Variants in UBE2C observed in about 807,000 individuals in gnomAD.
The protein encoded by UBE2C is ubiquitin conjugating enzyme E2 C, also known as ubiquitin-conjugating enzyme E2 C.
In UBE2C, 16 loss-of-function variants were observed where a neutral mutation model predicts 23.5. The observed-to-expected ratio is 0.68, with a 90% CI of 0.46 to 1.03. The LOEUF (loss-of-function observed/expected upper bound fraction) is 1.03. UBE2C is among the 50% of genes least tolerant of loss of function. The probability of loss-of-function intolerance (pLI) is 0.00; values close to 1 mark genes in which losing one functional copy is unlikely to be tolerated. For missense variants in UBE2C, 192 were observed against 227.6 expected, an observed-to-expected ratio of 0.84 and a Z score of 1.01; for synonymous variants, 76 against 91.6, an observed-to-expected ratio of 0.83 and a Z score of 0.97.
At chr20:45,813,048 G>A in intron 1 of UBE2C, 1 of 1,416,212 alleles carries the variant, frequency 7.1e-7, no homozygotes, top group Non-Finnish European at 9.2e-7. Context: ...AGCTCAGACC[G>A]CTCTTTGAGA....
At chr20:45,812,839 A>AG in intron 1 of UBE2C, 43 bp downstream of exon 1, 1 of 1,530,130 alleles carries the variant, frequency 6.5e-7, no homozygotes, top group Non-Finnish European at 8.8e-7. Flanking sequence ...GCCATGCCCT[A>AG]GGCATTGGTA....
chr20:45,813,519 C>CT, intron 2 of UBE2C, 55 bp downstream of exon 2: 2 of 1,612,896 alleles, frequency 1.2e-6, no homozygotes, highest in East Asian at 4.5e-5. Context: ...CAGTAGCCTC[C>CT]TTTTTTCCGT....
chr20:45,816,028 C>A, intron 5 of UBE2C, 115 bp downstream of exon 5: 1 of 1,038,684 alleles, frequency 9.6e-7, no homozygotes, highest in South Asian at 1.5e-5. Context: ...GGTGGAGTGT[C>A]GGCAGCAACC....
chr20:45,815,709 AG>A lies in UBE2C; in HGVS notation c.387del (p.Thr130ProfsTer10). On this transcript the variant is annotated frameshift_variant, in exon 4 of 6. Transcript: ENST00000356455. LOFTEE classifies it high-confidence loss of function. ...AAAGTGGTCTGCCCTGTATGATGTC[AG>A]GACCATTCTGCTCTCCATCCAGAGC... ...KEKWSALYDVRTILLSIQSLL... is the reference protein window; with the variant it reads ...KEKWSALYDVXTILLSIQSLL... 1.2e-6 allele frequency: 2 copies of A among 1,614,094 alleles called. No homozygotes were observed. The highest frequency in any genetic ancestry group is 1.7e-6 in the Non-Finnish European group (2 of 1,180,002).
At chr20:45,813,130 T>C (rs1318252974) in intron 1 of UBE2C, 10 of 1,398,822 alleles carry the variant, frequency 7.1e-6, no homozygotes, top group Non-Finnish European at 9.2e-6. Context: ...ATGAAGACGC[T>C]CAAGGACCCT....
chr20:45,815,434 C>T lies in UBE2C; in HGVS notation c.217-107C>T, dbSNP rs77269727. On this transcript the variant is annotated intron_variant, in intron 3 of 5. Coordinates refer to ENST00000356455, the MANE Select transcript of UBE2C (RefSeq NM_007019.4). ...CCAGCTCAACAGTTTGTCTACTGTCCGGTCCCAGAGAAACTCAAGATTCTA... is the reference window on the plus strand; with the variant it reads ...CCAGCTCAACAGTTTGTCTACTGTCTGGTCCCAGAGAAACTCAAGATTCTA... 1,805 of 1,613,930 alleles carry T rather than the reference C, an allele frequency of 1.1e-3. 27 individuals are homozygous for T. In the Admixed American group the frequency reaches 0.025, roughly 22 times the overall value.
chr20:45,815,627 C>T lies in UBE2C; in HGVS notation c.303C>T (p.Pro101=), dbSNP rs997900527. Residue 101 remains proline, a synonymous_variant, in exon 4 of 6, where the codon CCC becomes CCT. Transcript: ENST00000356455. ...CGCCCACAGTGAAGTTCCTCACGCCCTGCTATCACCCCAACGTGGACACCC... is the reference window on the plus strand; with the variant it reads ...CGCCCACAGTGAAGTTCCTCACGCCTTGCTATCACCCCAACGTGGACACCC... The part of the protein sequence containing the change: ...YNAPTVKFLT[P]CYHPNVDTQG... 5.7e-5 allele frequency: 92 copies of T among 1,613,904 alleles called. No homozygotes were observed. Among genetic ancestry groups the T allele is most frequent in the Non-Finnish European group, 7.5e-5 (89 of 1,179,928 alleles).
At chr20:45,814,545 C>G (rs906515460) in intron 3 of UBE2C, 75 bp downstream of exon 3, 1 of 1,256,764 alleles carries the variant, frequency 8.0e-7, no homozygotes, top group Non-Finnish European at 1.1e-6. Flanking sequence ...AGCTCTGCTT[C>G]AAGCCTTTGG....
chr20:45,816,674 C>T (rs747253583), intron 5 of UBE2C, 35 bp from the exon 6 acceptor site: 32 of 1,594,246 alleles, frequency 2.0e-5, no homozygotes, highest in Admixed American at 3.4e-5. Flanking sequence ...CATCCTGTCT[C>T]CATCACTCAC....
rs370288601 is a variant in UBE2C at position 45,814,621 on chromosome 20, CTG to C, written c.216+154_216+155del. On this transcript the variant is annotated intron_variant, in intron 3 of 5. Coordinates refer to ENST00000356455, the MANE Select transcript of UBE2C (RefSeq NM_007019.4). ...AGCCATGTGGCCTTGTTCTTTCCCT[CTG>C]TGCAATAAAGGGTGGGTTTAAAGCA... 9.8e-4 allele frequency: 536 copies of C among 546,642 alleles called. 6 individuals are homozygous for C. The African/African-American group carries it at 0.01, about 10-fold the overall frequency. 33.9% of individuals were successfully genotyped at this position (546,642 alleles called of 1,614,324 possible).
At chr20:45,814,301 A>ATATATATAT (rs1568714809) in intron 2 of UBE2C, 83 bp from the exon 3 acceptor site, 2 of 469,810 alleles carry the variant, frequency 4.3e-6, no homozygotes, top group South Asian at 3.4e-5. Context: ...TATATATATA[A>ATATATATAT]AATTAAGGGG....
chr20:45,815,813 C>G, intron 4 of UBE2C, 41 bp from the exon 5 acceptor site: 1 of 1,613,710 alleles, frequency 6.2e-7, no homozygotes, highest in South Asian at 1.1e-5. Flanking sequence ...TGGGGTCAGC[C>G]TCTTCTACCG....
intron 5 of UBE2C, among the ~76,000 whole-genome samples, chr20:45,816,331 C>T (rs566181802): frequency 6.6e-6 from 1 of 152,312 alleles, no homozygotes; most frequent in East Asian, 1.9e-4. Flanking sequence ...CCAGCTGCCT[C>T]TTGCCCACCT....
chr20:45,816,877 G>T lies in UBE2C; in HGVS notation c.*110G>T. The T allele has an allele frequency of 1.0e-6, 1 of 978,082 alleles. No individual in the cohort carries two copies. The highest frequency in any genetic ancestry group is 1.5e-6 in the Non-Finnish European group (1 of 671,576). 60.6% of individuals were successfully genotyped at this position (978,082 alleles called of 1,614,324 possible). A position where few individuals can be genotyped will look rare whatever the true frequency, so the allele number is the denominator to read the frequency against. On this transcript the variant is annotated 3_prime_UTR_variant, in exon 6 of 6. Coordinates refer to ENST00000356455, the MANE Select transcript of UBE2C (RefSeq NM_007019.4). ...CTTTATCTTGAGCTGTGGTATTTTTGTTTTGTTTTTGTCTTTTAAATTAAG... is the reference window on the plus strand; with the variant it reads ...CTTTATCTTGAGCTGTGGTATTTTTTTTTTGTTTTTGTCTTTTAAATTAAG...
chr20:45,814,114 ATC>A (rs995417844), intron 2 of UBE2C, among the ~76,000 whole-genome samples: 7 of 134,408 alleles, frequency 5.2e-5, no homozygotes, highest in African/African-American at 1.1e-4. Flanking sequence ...GTCTCTGTCT[ATC>A]TCTCTCTCTC....
intron 1 of UBE2C, 25 bp from the exon 2 acceptor site, chr20:45,813,412 G>C (rs754600301): frequency 8.1e-5 from 131 of 1,614,004 alleles, no homozygotes; most frequent in Non-Finnish European, 1.0e-4. Flanking sequence ...AGACTCCCAG[G>C]TAACCCCGAA....
chr20:45,815,483 G>T, intron 3 of UBE2C, 58 bp from the exon 4 acceptor site: 7 of 1,614,128 alleles, frequency 4.3e-6, no homozygotes, highest in Non-Finnish European at 5.9e-6. Flanking sequence ...GTGGGGCTTG[G>T]GTTGGGACAT....
rs753350058 is a variant in UBE2C at position 45,816,726 on chromosome 20, C to T, written c.499C>T (p.Gln167Ter). 2 of 1,613,806 alleles carry T rather than the reference C, an allele frequency of 1.2e-6. No homozygotes were observed. The highest frequency in any genetic ancestry group is 4.5e-5 in the East Asian group (2 of 44,870). The change falls in exon 6 of 6, where the codon CAA becomes TAA. Residue 167 changes from glutamine (Q) to a stop codon, truncating the protein, a stop_gained. Transcript: ENST00000356455. LOFTEE classifies it high-confidence loss of function. ...TCTTCCAGCTTTTAAGAAGTACCTG[C>T]AAGAAACCTACTCAAAGCAGGTCAC... ...KNPTAFKKYL[Q>*]ETYSKQVTSQ...
chr20:45,812,983 C>G (rs941445832), intron 1 of UBE2C, 187 bp downstream of exon 1: 56 of 1,431,088 alleles, frequency 3.9e-5, no homozygotes, highest in Non-Finnish European at 4.8e-5. Flanking sequence ...CGGAGACTTC[C>G]GGGACTCCCA....
Sources: gnomAD v4.1 joint callset for allele counts (sites outside exome capture counted in the v4.1 genomes callset) on GRCh38, gnomAD v4.1.1 for gene constraint, MANE v1.5 for transcripts, NCBI Gene and HGNC (gene_info 2026-07-23, HGNC 2026-07-21) for gene names.